The following FRMPD4 variants were observed in gnomAD, a reference collection of about 807,000 sequenced individuals.
The protein encoded by FRMPD4 is FERM and PDZ domain containing 4.
A neutral mutation model predicts 94.1 loss-of-function variants in FRMPD4; 22 were observed. That is an observed-to-expected ratio of 0.23 (90% CI 0.17 to 0.33). FRMPD4 has a LOEUF of 0.33. Ranked by LOEUF, FRMPD4 falls within the 10% of genes least tolerant of loss-of-function variation. The pLI is 1.00. For synonymous variants in FRMPD4, 631 were observed against 548.6 expected, an observed-to-expected ratio of 1.15 and a Z score of -2.10; for missense variants, 1,111 against 1,339.9, an observed-to-expected ratio of 0.83 and a Z score of 2.67.
At chrX:12,652,206 C>G (rs1216602974) in intron 4 of FRMPD4, among the ~76,000 whole-genome samples, 1 of 112,141 alleles carries the variant, frequency 8.9e-6, no homozygotes, top group African/African-American at 3.2e-5. Context: ...CCGTCTTCTT[C>G]TCTTACTCAT....
intron 2 of FRMPD4, among the ~76,000 whole-genome samples, chrX:12,609,373 G>A (rs1235025235): frequency 1.8e-5 from 2 of 111,820 alleles, no homozygotes; most frequent in Non-Finnish European, 3.8e-5. Context: ...GAAGTAGAAG[G>A]GCATAAAGGG....
chrX:12,132,562 G>A (rs1304505062), intron 3 of FRMPD4, among the ~76,000 whole-genome samples: 7 of 111,661 alleles, frequency 6.3e-5, no homozygotes, highest in Non-Finnish European at 1.1e-4. Flanking sequence ...TCAACCCTGG[G>A]CCATCTCAAC....
At position 12,723,455 on chromosome X, in the gene FRMPD4, C is replaced by T. The variant is rs1174191566; in HGVS notation, c.*1597C>T. 3.6e-5 allele frequency: 4 copies of T among 111,452 alleles called. No individual in the cohort carries two copies. The highest frequency in any genetic ancestry group is 3.8e-4 in the South Asian group (1 of 2,615). The allele number at this position is 111,452 out of a possible 1,213,427, so 9.2% of individuals were successfully genotyped here. On this transcript the variant is annotated 3_prime_UTR_variant, in exon 17 of 17. Transcript: ENST00000675598. ...CAGGGACTCAACAACAAAAGCCGCACGTGGTTATGGATGGCAGCAAAGGAA... is the reference window on the plus strand; with the variant it reads ...CAGGGACTCAACAACAAAAGCCGCATGTGGTTATGGATGGCAGCAAAGGAA...
chrX:12,445,531 C>A (rs1173629932), intron 1 of FRMPD4, among the ~76,000 whole-genome samples: 2 of 112,520 alleles, frequency 1.8e-5, no homozygotes, highest in Non-Finnish European at 3.8e-5. Flanking sequence ...TCTTCTAGCA[C>A]CTTTTGCTTA....
At chrX:12,126,430 C>G (rs1257293732) in intron 3 of FRMPD4, among the ~76,000 whole-genome samples, 1 of 111,692 alleles carries the variant, frequency 9.0e-6, no homozygotes, top group Non-Finnish European at 1.9e-5. Flanking sequence ...TAAGAGAGAA[C>G]TTATGAGAGG....
At chrX:12,164,857 G>C (rs1355179385) in intron 1 of FRMPD4, among the ~76,000 whole-genome samples, 2 of 112,484 alleles carry the variant, frequency 1.8e-5, no homozygotes, top group Non-Finnish European at 3.8e-5. Flanking sequence ...CTTTTGAGAA[G>C]TGTCTGTTCA....
In FRMPD4 at chrX:11,957,884, A is replaced by G. The variant is rs779873760; in HGVS notation, c.95+79866A>G. ...CTGACATCTTCTTTTGACTGAAAGT[A>G]GTTATTTTGAAGGTCAATTGTAGAA... On this transcript the variant is annotated intron_variant, in intron 3 of 18. Transcript: ENST00000640291. 6.2e-5 allele frequency among the ~76,000 whole-genome samples: 7 copies of G among 112,388 alleles called. No individual in the cohort carries two copies. In the South Asian group the frequency reaches 2.6e-3, roughly 41 times the overall value.
chrX:12,208,583 A>G (rs2056720146), intron 1 of FRMPD4, among the ~76,000 whole-genome samples: 1 of 111,943 alleles, frequency 8.9e-6, no homozygotes. Flanking sequence ...TTGTTTTTGC[A>G]TAGCTGATTG....
At chrX:12,084,385 G>A (rs1023384171) in intron 3 of FRMPD4, among the ~76,000 whole-genome samples, 3 of 111,181 alleles carry the variant, frequency 2.7e-5, no homozygotes, top group Non-Finnish European at 3.8e-5. Context: ...CTGTAAGTCC[G>A]ATTAAACCTC....
chrX:12,524,160 T>C (rs1473683288), intron 2 of FRMPD4, among the ~76,000 whole-genome samples: 1 of 109,564 alleles, frequency 9.1e-6, no homozygotes, highest in African/African-American at 3.4e-5. Flanking sequence ...GTCACGATAA[T>C]AACAAAAGAA....
chrX:12,432,893 A>G (rs776838807), intron 1 of FRMPD4, among the ~76,000 whole-genome samples: 1 of 112,255 alleles, frequency 8.9e-6, no homozygotes, highest in East Asian at 2.8e-4. Flanking sequence ...GAACCACCAT[A>G]ACCAACCTTT....
intron 2 of FRMPD4, among the ~76,000 whole-genome samples, chrX:11,867,852 G>C (rs1425378264): frequency 9.0e-6 from 1 of 110,897 alleles, no homozygotes; most frequent in Non-Finnish European, 1.9e-5. Context: ...ATAAGTGCCT[G>C]CCTCAGCACA....
intron 2 of FRMPD4, among the ~76,000 whole-genome samples, chrX:12,541,090 G>C (rs2058405430): frequency 1.8e-5 from 2 of 112,309 alleles, no homozygotes; most frequent in Admixed American, 1.9e-4. Context: ...ATTTAAAGCA[G>C]TGTGTAGAGG....
chrX:12,300,992 G>C (rs1426738787), intron 1 of FRMPD4, among the ~76,000 whole-genome samples: 1 of 112,029 alleles, frequency 8.9e-6, no homozygotes, highest in Non-Finnish European at 1.9e-5. Flanking sequence ...CCCTTCTTCT[G>C]TATTTCACCA....
At chrX:11,833,622 G>A (rs921928544) in intron 1 of FRMPD4, among the ~76,000 whole-genome samples, 7 of 111,916 alleles carry the variant, frequency 6.3e-5, no homozygotes, top group Non-Finnish European at 1.1e-4. Context: ...CTTTACAGGA[G>A]AGTAAGCTGA....
intron 1 of FRMPD4, among the ~76,000 whole-genome samples, chrX:12,161,753 G>A (rs1256688115): frequency 9.0e-6 from 1 of 111,525 alleles, no homozygotes; most frequent in East Asian, 2.8e-4. Context: ...AAATAATAAT[G>A]CCATCTCTCT....
intron 3 of FRMPD4, among the ~76,000 whole-genome samples, chrX:12,102,992 C>A (rs781151994): frequency 2.7e-5 from 3 of 111,354 alleles, no homozygotes; most frequent in African/African-American, 9.8e-5. Flanking sequence ...TGTCTTTTGT[C>A]ATATCAGGTA....
intron 1 of FRMPD4, among the ~76,000 whole-genome samples, chrX:12,300,731 C>T (rs1460373007): frequency 8.9e-6 from 1 of 112,005 alleles, no homozygotes; most frequent in Non-Finnish European, 1.9e-5. Flanking sequence ...ACTTAAAAAG[C>T]TCTGAGAAGG....
At chrX:12,231,621 G>C (rs1489557507) in intron 1 of FRMPD4, among the ~76,000 whole-genome samples, 1 of 111,402 alleles carries the variant, frequency 9.0e-6, no homozygotes, top group Non-Finnish European at 1.9e-5. Flanking sequence ...AAAAAATACA[G>C]ATTTCCTGGC....
Sources: allele counts gnomAD v4.1 joint callset (sites outside exome capture counted in the v4.1 genomes callset), GRCh38; gene constraint gnomAD v4.1.1; transcripts MANE v1.5; gene names NCBI Gene and HGNC (gene_info 2026-07-23, HGNC 2026-07-21).